The following COL9A3 variants were observed in gnomAD, a reference collection of about 807,000 sequenced individuals.
The protein encoded by COL9A3 is collagen type IX alpha 3 chain.
A neutral mutation model predicts 110.2 loss-of-function variants in COL9A3; 82 were observed. That is an observed-to-expected ratio of 0.74 (90% CI 0.62 to 0.89). The LOEUF is 0.89. Ranked by LOEUF, COL9A3 falls within the 40% of genes least tolerant of loss-of-function variation. The pLI, the probability that COL9A3 is intolerant of heterozygous loss-of-function variation, is 0.00. For synonymous variants in COL9A3, 494 were observed against 403.8 expected, an observed-to-expected ratio of 1.22 and a Z score of -2.68; for missense variants, 1,066 against 981.3, an observed-to-expected ratio of 1.09 and a Z score of -1.15.
At chr20:62,820,962 C>T (rs1030908883) in intron 5 of COL9A3, among the ~76,000 whole-genome samples, 4 of 152,160 alleles carry the variant, frequency 2.6e-5, no homozygotes, top group South Asian at 2.1e-4. Flanking sequence ...CTTCTTGCAG[C>T]GAGCGCTGGG....
chr20:62,832,890 G>T, intron 25 of COL9A3, 130 bp from the exon 26 acceptor site: 1 of 833,288 alleles, frequency 1.2e-6, no homozygotes, highest in South Asian at 1.4e-5. Context: ...CAGCCCTGGG[G>T]CCTGGGCTTT....
At chr20:62,825,512 G>A (rs2063545370) in intron 12 of COL9A3, 4 of 529,442 alleles carry the variant, frequency 7.6e-6, no homozygotes, top group South Asian at 2.2e-5. Flanking sequence ...GGAGTGATCA[G>A]ATGAGGAGAC....
intron 16 of COL9A3, 151 bp downstream of exon 16, chr20:62,827,445 C>G (rs1041711040): frequency 1.3e-6 from 1 of 783,092 alleles, no homozygotes; most frequent in Non-Finnish European, 2.1e-6. Context: ...GAGCCTGACC[C>G]TGGAGGGCCC....
chr20:62,833,164 C>T, intron 26 of COL9A3, 100 bp downstream of exon 26: 1 of 989,648 alleles, frequency 1.0e-6, no homozygotes, highest in Non-Finnish European at 1.6e-6. Context: ...TCTGCAGCTC[C>T]CGGTGGAAGA....
intron 9 of COL9A3, 104 bp from the exon 10 acceptor site, chr20:62,822,487 T>C (rs990386916): frequency 9.6e-7 from 1 of 1,039,696 alleles, no homozygotes; most frequent in Middle Eastern, 3.5e-4. Context: ...AGTCCCCTGG[T>C]GGATGGGGAA....
At chr20:62,832,810 G>GGTTCTGCTTGGCAGAAAAGCC (rs1183288541) in intron 25 of COL9A3, 3 of 530,610 alleles carry the variant, frequency 5.7e-6, no homozygotes, top group East Asian at 3.1e-5. Flanking sequence ...GCAAACAAAT[G>GGTTCTGCTTGGCAGAAAAGCC]TCTTCCGTTT....
At chr20:62,818,170 CCA>C (rs1990998516) in intron 2 of COL9A3, among the ~76,000 whole-genome samples, 1 of 152,174 alleles carries the variant, frequency 6.6e-6, no homozygotes, top group Non-Finnish European at 1.5e-5. Flanking sequence ...GTGACCACCA[CCA>C]GGGCAGGAGT....
At chr20:62,816,822 G>A (rs920591370), upstream of COL9A3, among the ~76,000 whole-genome samples, 1 of 152,172 alleles carries the variant, frequency 6.6e-6, no homozygotes, top group African/African-American at 2.4e-5. Flanking sequence ...GCCAGTCCCA[G>A]GATAATTTTA....
In COL9A3 at chr20:62,837,284, G is replaced by T; in HGVS notation, c.1786+19G>T. On this transcript the variant is annotated intron_variant, in intron 30 of 31. Coordinates refer to ENST00000649368, the MANE Select transcript of COL9A3 (RefSeq NM_001853.4). ...CCCAGAGGTGAGTGTTTGACCCCAT[G>T]ACACGGTCACCCTGCTGTAAAAATC... 6.2e-7 allele frequency: 1 copy of T among 1,605,820 alleles called. No individual in the cohort carries two copies.
chr20:62,819,711 C>T (rs1483203249), intron 4 of COL9A3, among the ~76,000 whole-genome samples: 9 of 152,186 alleles, frequency 5.9e-5, no homozygotes, highest in Non-Finnish European at 8.8e-5. Flanking sequence ...CAGGTGCCTC[C>T]GTTGCTGGCT....
At chr20:62,820,718 A>T (rs995765795) in intron 5 of COL9A3, among the ~76,000 whole-genome samples, 1 of 151,182 alleles carries the variant, frequency 6.6e-6, no homozygotes. Context: ...GCCTCAGCAC[A>T]GGGCCCGTGC....
In COL9A3 at chr20:62,819,211, C is replaced by G; in HGVS notation, c.184-11C>G. ...CCCGCCTTCACATCTCTGCCCTTTCCTCCTGCACAGGGACCAAAGGGGGCC... is the reference window on the plus strand; with the variant it reads ...CCCGCCTTCACATCTCTGCCCTTTCGTCCTGCACAGGGACCAAAGGGGGCC... On this transcript the variant is annotated splice_polypyrimidine_tract_variant and intron_variant, in intron 3 of 31. Transcript: ENST00000649368. The G allele has an allele frequency of 6.2e-7, 1 of 1,612,532 alleles. No individual in the cohort carries two copies. The highest frequency in any genetic ancestry group is 8.5e-7 in the Non-Finnish European group (1 of 1,179,830).
At chr20:62,835,630 G>C (rs1429928916) in intron 26 of COL9A3, among the ~76,000 whole-genome samples, 1 of 152,160 alleles carries the variant, frequency 6.6e-6, no homozygotes, top group Non-Finnish European at 1.5e-5. Flanking sequence ...CATTAGGCGT[G>C]TTAGTAAGAA....
At chr20:62,836,603 C>T in intron 29 of COL9A3, 71 bp downstream of exon 29, 8 of 1,478,928 alleles carry the variant, frequency 5.4e-6, no homozygotes, top group Non-Finnish European at 7.3e-6. Context: ...TGGGGCTACA[C>T]AGAAAGCCTT....
At chr20:62,831,288 G>A (rs1292951181) in intron 24 of COL9A3, 1 of 152,330 alleles carries the variant, frequency 6.6e-6, no homozygotes, top group Non-Finnish European at 1.5e-5. Context: ...CAGGGCCCCA[G>A]CTCACTGGAA....
chr20:62,840,638 G>T lies in COL9A3; in HGVS notation c.1961G>T (p.Gly654Val). The stretch of plus-strand genomic sequence containing the variant: ...GATCCTGGGCTTCCAGGTGCCATTG[G>T]GGCCCAGGGGACACCGGGGATCTGC... ...PGDPGLPGAIGAQGTPGICDT... is the reference protein window; with the variant it reads ...PGDPGLPGAIVAQGTPGICDT... Residue 654 changes from glycine to valine, a missense_variant, in exon 32 of 32, where the codon GGG becomes GTG. By Grantham distance (109) the Gly-to-Val change is moderately radical. Transcript: ENST00000649368. The T allele has an allele frequency of 6.2e-7, 1 of 1,611,584 alleles. No homozygotes were observed. The highest frequency in any genetic ancestry group is 8.5e-7 in the Non-Finnish European group (1 of 1,179,166).
In COL9A3 at chr20:62,826,810, C is replaced by T. The variant is rs2063556959; in HGVS notation, c.782C>T (p.Pro261Leu). Reference sequence around the variant, plus strand: ...GGGCCGCCTGGGATCCCAGGAGCGCCTGGGAAAGCGGTACGTGTGTCAGTG... The same window carrying T: ...GGGCCGCCTGGGATCCCAGGAGCGCTTGGGAAAGCGGTACGTGTGTCAGTG... ...FRGPPGIPGA[P>L]GKAGDRGERG... Residue 261 changes from proline to leucine, a missense_variant, in exon 15 of 32, where the codon CCT becomes CTT. Physicochemically the swap from Pro to Leu is moderately conservative, Grantham distance 98. Coordinates refer to ENST00000649368, the MANE Select transcript of COL9A3 (RefSeq NM_001853.4). 6.2e-7 allele frequency: 1 copy of T among 1,612,866 alleles called. No homozygotes were observed. The highest frequency in any genetic ancestry group is 8.5e-7 in the Non-Finnish European group (1 of 1,179,962).
chr20:62,827,437 G>C, intron 16 of COL9A3, 143 bp downstream of exon 16: 2 of 838,252 alleles, frequency 2.4e-6, no homozygotes, highest in Non-Finnish European at 3.8e-6. Flanking sequence ...GTGGGGGTGA[G>C]CCTGACCCTG....
Position 62,830,377 on chromosome 20 carries a change from A to G in COL9A3, c.1179A>G (p.Gln393=), listed in dbSNP as rs2063585983. 2 of 1,573,798 alleles carry G rather than the reference A, an allele frequency of 1.3e-6. No individual in the cohort carries two copies. Among genetic ancestry groups the G allele is most frequent in the South Asian group, 2.3e-5 (2 of 86,208 alleles). The change falls in exon 23 of 32, where the codon CAA becomes CAG. Residue 393 remains glutamine (Q), a synonymous_variant. Transcript: ENST00000649368. The stretch of plus-strand genomic sequence containing the variant: ...TCTTCCAGGGGGCCCTCGGCCCACA[A>G]GGCCCTCCCGGAGCCCCTGGTGTCC... The part of the protein sequence containing the change: ...HRGSAGALGP[Q]GPPGAPGVRG...
Sources: gnomAD v4.1 joint callset for allele counts (sites outside exome capture counted in the v4.1 genomes callset) on GRCh38, gnomAD v4.1.1 for gene constraint, MANE v1.5 for transcripts, NCBI Gene and HGNC (gene_info 2026-07-23, HGNC 2026-07-21) for gene names.